HMGB1: variants seen among roughly 807,000 people sequenced by gnomAD.
The protein encoded by HMGB1 is high mobility group box 1.
For synonymous variants in HMGB1, 81 were observed against 84.0 expected (o/e 0.96, Z 0.19); for missense variants, 79 against 253.5 (o/e 0.31, Z 4.67).
chr13:30,466,531 A>G (rs758415982), upstream of HMGB1, among the ~76,000 whole-genome samples: 1 of 152,118 alleles, frequency 6.6e-6, no homozygotes, highest in Non-Finnish European at 1.5e-5. Flanking sequence ...AAGTGACATG[A>G]TCCAGCCAGC....
chr13:30,565,574 C>T (rs571363157), intron 1 of HMGB1, among the ~76,000 whole-genome samples: 1 of 152,262 alleles, frequency 6.6e-6, no homozygotes, highest in African/African-American at 2.4e-5. Flanking sequence ...TGTTGCTTGT[C>T]AATTTTTAAC....
At position 30,461,496 on chromosome 13, in the gene HMGB1, G is replaced by C. The variant is rs190839668; in HGVS notation, c.509C>G (p.Ala170Gly). Residue 170 changes from alanine (A) to glycine (G), a missense_variant, in exon 5 of 5, where the codon GCA (alanine) becomes GGA (glycine). Physicochemically the swap from Ala to Gly is moderately conservative, Grantham distance 60 (BLOSUM62 0). Coordinates refer to ENST00000341423, the MANE Select transcript of HMGB1 (RefSeq NM_002128.7). ...AAYRAKGKPD[A>G]AKKGVVKAEK... Reference sequence around the variant, plus strand: ...AGCCTTGACAACTCCCTTTTTTGCTGCATCAGGCTTTCCTTTAGCTCGATA... The same window carrying C: ...AGCCTTGACAACTCCCTTTTTTGCTCCATCAGGCTTTCCTTTAGCTCGATA... 5 of 1,563,354 alleles carry C rather than the reference G, an allele frequency of 3.2e-6. No homozygotes were observed. Among genetic ancestry groups the C allele is most frequent in the Non-Finnish European group, 4.3e-6 (5 of 1,153,422 alleles).
chr13:30,539,435 A>C (rs923607642), intron 1 of HMGB1, among the ~76,000 whole-genome samples: 1 of 152,214 alleles, frequency 6.6e-6, no homozygotes, highest in East Asian at 1.9e-4. Context: ...ACACGTGTAG[A>C]GAAGCATGGC....
chr13:30,522,109 C>CTTTT (rs35096026), intron 1 of HMGB1, among the ~76,000 whole-genome samples: 3,143 of 130,024 alleles, frequency 0.024, 174 homozygotes, highest in African/African-American at 0.077. Context: ...AATTATGATA[C>CTTTT]TTTTTTTTTT....
At chr13:30,477,055 G>A (rs376675873) in intron 1 of HMGB1, among the ~76,000 whole-genome samples, 11 of 151,940 alleles carry the variant, frequency 7.2e-5, no homozygotes, top group Admixed American at 5.2e-4. Context: ...CTCCACTAAA[G>A]CCATATGATC....
chr13:30,477,477 C>T (rs66555878), intron 1 of HMGB1, among the ~76,000 whole-genome samples: 20,152 of 152,026 alleles, frequency 0.13, 1,398 homozygotes, highest in South Asian at 0.24. Flanking sequence ...ATGCCGAGCA[C>T]CCAGAGCCTG....
chr13:30,599,801 C>G (rs1871783492), intron 1 of HMGB1, among the ~76,000 whole-genome samples: 1 of 152,164 alleles, frequency 6.6e-6, no homozygotes, highest in African/African-American at 2.4e-5. Flanking sequence ...CAAATACAGT[C>G]ACATTCCGAG....
At chr13:30,547,882 G>A (rs1593304695) in intron 1 of HMGB1, among the ~76,000 whole-genome samples, 1 of 152,138 alleles carries the variant, frequency 6.6e-6, no homozygotes, top group East Asian at 1.9e-4. Context: ...TGTGCCACTG[G>A]AGTCCAGCCT....
chr13:30,464,664 C>T (rs1393276096), intron 1 of HMGB1: 6 of 982,254 alleles, frequency 6.1e-6, no homozygotes, highest in South Asian at 4.7e-5. Context: ...CCGCGGCCGC[C>T]GGGGCCGGCG....
chr13:30,589,544 C>T (rs1429198398), intron 1 of HMGB1, among the ~76,000 whole-genome samples: 1 of 152,110 alleles, frequency 6.6e-6, no homozygotes, highest in East Asian at 1.9e-4. Context: ...AATTTTCACA[C>T]AGTAAAGTGT....
At chr13:30,578,033 T>C (rs929463030) in intron 1 of HMGB1, among the ~76,000 whole-genome samples, 1 of 151,952 alleles carries the variant, frequency 6.6e-6, no homozygotes, top group Non-Finnish European at 1.5e-5. Flanking sequence ...TCACTCCTCA[T>C]CCACATGGAG....
chr13:30,522,749 T>TG (rs397942250), intron 1 of HMGB1, among the ~76,000 whole-genome samples: 2 of 151,492 alleles, frequency 1.3e-5, no homozygotes, highest in Non-Finnish European at 2.9e-5. Context: ...TTTTTTTTTT[T>TG]GAGACAAGGT....
At chr13:30,604,987 T>C (rs999500405) in intron 1 of HMGB1, among the ~76,000 whole-genome samples, 1 of 152,128 alleles carries the variant, frequency 6.6e-6, no homozygotes, top group Non-Finnish European at 1.5e-5. Context: ...GGTGACCATA[T>C]TCGCTGAGGG....
At chr13:30,539,907 G>A (rs761371146) in intron 1 of HMGB1, 19 of 155,564 alleles carry the variant, frequency 1.2e-4, no homozygotes, top group Non-Finnish European at 2.5e-4. Context: ...TTGATTTCAC[G>A]TTGAGTCTGT....
At chr13:30,464,922 C>T (rs1352795826) in intron 1 of HMGB1, among the ~76,000 whole-genome samples, 1 of 141,038 alleles carries the variant, frequency 7.1e-6, no homozygotes, top group Non-Finnish European at 1.6e-5. Context: ...GCCCTCCCCT[C>T]CGCGCCGCTC....
intron 1 of HMGB1, among the ~76,000 whole-genome samples, chr13:30,538,511 C>CTTTCTTTCTTTA (rs1868599818): frequency 5.0e-5 from 4 of 80,444 alleles, no homozygotes; most frequent in African/African-American, 4.3e-4. Context: ...TCTTTCTTTC[C>CTTTCTTTCTTTA]TTTCTTTCTT....
chr13:30,458,881 T>C lies in HMGB1; in HGVS notation c.*2476A>G, dbSNP rs1008643269. The C allele has an allele frequency of 1.3e-5, 2 of 152,216 alleles. No individual in the cohort carries two copies. The highest frequency in any genetic ancestry group is 1.5e-5 in the Non-Finnish European group (1 of 68,048). The allele number at this position is 152,216 out of a possible 1,614,324, so 9.4% of individuals were successfully genotyped here. ...GATGGGACGATCATCAGAACTGTGG[T>C]AACTAATCAGCAATAGCTCTCAACC... On this transcript the variant is annotated 3_prime_UTR_variant, in exon 5 of 5. Coordinates refer to ENST00000341423, the MANE Select transcript of HMGB1 (RefSeq NM_002128.7).
At chr13:30,571,769 A>T (rs1870446172) in intron 1 of HMGB1, among the ~76,000 whole-genome samples, 1 of 152,210 alleles carries the variant, frequency 6.6e-6, no homozygotes, top group Admixed American at 6.5e-5. Flanking sequence ...ATAGTTCAGG[A>T]TTAAGGAAGA....
chr13:30,506,975 G>A (rs892852701), intron 1 of HMGB1, among the ~76,000 whole-genome samples: 1 of 152,192 alleles, frequency 6.6e-6, no homozygotes, highest in Non-Finnish European at 1.5e-5. Flanking sequence ...TCACTCTGAA[G>A]GCGACTCAGT....
Sources: allele counts gnomAD v4.1 joint callset (sites outside exome capture counted in the v4.1 genomes callset), GRCh38; gene constraint gnomAD v4.1.1; transcripts MANE v1.5; gene names NCBI Gene and HGNC (gene_info 2026-07-23, HGNC 2026-07-21).